Variants in PPFIA2 observed in about 807,000 individuals in gnomAD.
PPFIA2 encodes liprin-alpha-2.
Under a neutral mutation model 175.5 loss-of-function variants are expected in PPFIA2, and 46 were observed. The ratio of observed to expected loss-of-function variants is 0.26; its 90% CI spans 0.21 to 0.34. PPFIA2 has a LOEUF of 0.34. PPFIA2 is among the 10% of genes least tolerant of loss of function. The probability of loss-of-function intolerance (pLI) is 1.00; values close to 1 mark genes in which losing one functional copy is unlikely to be tolerated. For synonymous variants in PPFIA2, 568 were observed against 511.4 expected, an observed-to-expected ratio of 1.11 and a Z score of -1.49; for missense variants, 1,179 against 1,506.1, an observed-to-expected ratio of 0.78 and a Z score of 3.60.
intron 4 of PPFIA2, among the ~76,000 whole-genome samples, chr12:81,605,597 C>T (rs1209876458): frequency 6.6e-6 from 1 of 151,786 alleles, no homozygotes; most frequent in Admixed American, 6.6e-5. Flanking sequence ...CATATGAACG[C>T]TAGTTAAGTA....
chr12:81,597,836 C>T (rs2059409083), intron 4 of PPFIA2: 6 of 1,032,144 alleles, frequency 5.8e-6, no homozygotes, highest in Non-Finnish European at 8.4e-6. Context: ...TCATTCCATA[C>T]ATTTTCTTCA....
intron 4 of PPFIA2, among the ~76,000 whole-genome samples, chr12:81,648,434 T>C (rs536468194): frequency 6.6e-6 from 1 of 152,124 alleles, no homozygotes; most frequent in Admixed American, 6.5e-5. Flanking sequence ...AGTAAGTTGA[T>C]ACACTATCAA....
At chr12:81,331,777 G>A (rs2056179325) in intron 21 of PPFIA2, among the ~76,000 whole-genome samples, 1 of 151,740 alleles carries the variant, frequency 6.6e-6, no homozygotes. Context: ...GGCTCTATTT[G>A]ATCACTCCCT....
intron 4 of PPFIA2, among the ~76,000 whole-genome samples, chr12:81,533,730 T>G (rs538385774): frequency 1.3e-5 from 1 of 74,466 alleles, no homozygotes; most frequent in African/African-American, 7.2e-5. Flanking sequence ...TATCTATCTA[T>G]CTATCTATAT....
intron 7 of PPFIA2, chr12:81,430,739 C>T (rs1460996675): frequency 6.6e-6 from 1 of 152,100 alleles, no homozygotes; most frequent in Non-Finnish European, 1.5e-5. Flanking sequence ...TAACAGAATA[C>T]TAGTTGTTAA....
chr12:81,482,899 G>T (rs994946693), intron 4 of PPFIA2, among the ~76,000 whole-genome samples: 2 of 151,930 alleles, frequency 1.3e-5, no homozygotes, highest in African/African-American at 2.4e-5. Flanking sequence ...TATATACTGT[G>T]CTGGGATCAC....
chr12:81,706,010 A>T (rs543125383), intron 3 of PPFIA2, among the ~76,000 whole-genome samples: 1 of 152,240 alleles, frequency 6.6e-6, no homozygotes, highest in African/African-American at 2.4e-5. Flanking sequence ...TATTAAAAGT[A>T]TTTTTTTATT....
At chr12:81,521,164 A>G (rs926970461) in intron 4 of PPFIA2, among the ~76,000 whole-genome samples, 5 of 152,122 alleles carry the variant, frequency 3.3e-5, no homozygotes, top group African/African-American at 1.2e-4. Flanking sequence ...ATGGAATACA[A>G]TGCATTCTTG....
chr12:81,697,072 G>A (rs1255119340), intron 3 of PPFIA2, among the ~76,000 whole-genome samples: 1 of 152,058 alleles, frequency 6.6e-6, no homozygotes, highest in Non-Finnish European at 1.5e-5. Context: ...TGCCTAATGA[G>A]AGAAATGGCA....
At chr12:81,571,622 T>C (rs933415161) in intron 4 of PPFIA2, among the ~76,000 whole-genome samples, 1 of 152,120 alleles carries the variant, frequency 6.6e-6, no homozygotes, top group Non-Finnish European at 1.5e-5. Context: ...TATGCATGGG[T>C]AAACCACTTA....
At chr12:81,270,726 G>T (rs1304862056) in intron 28 of PPFIA2, 1 of 151,678 alleles carries the variant, frequency 6.6e-6, no homozygotes, top group East Asian at 1.9e-4. Context: ...CATTTCTGTT[G>T]TTTAAGACAC....
intron 4 of PPFIA2, among the ~76,000 whole-genome samples, chr12:81,520,312 G>C (rs1253963524): frequency 1.3e-5 from 2 of 152,186 alleles, no homozygotes; most frequent in Non-Finnish European, 2.9e-5. Context: ...GCAGAACGAA[G>C]CAGGTTGGCA....
At chr12:81,754,992 C>G (rs894609469) in intron 2 of PPFIA2, among the ~76,000 whole-genome samples, 1 of 152,150 alleles carries the variant, frequency 6.6e-6, no homozygotes, top group Non-Finnish European at 1.5e-5. Context: ...TTATACTCAT[C>G]ATTACACTTA....
chr12:81,516,326 T>C (rs1488972609), intron 4 of PPFIA2, among the ~76,000 whole-genome samples: 4 of 152,184 alleles, frequency 2.6e-5, no homozygotes, highest in Non-Finnish European at 5.9e-5. Flanking sequence ...ATTTATCAAC[T>C]CTTCTATCCA....
At chr12:81,719,188 T>C (rs1348262699) in intron 3 of PPFIA2, among the ~76,000 whole-genome samples, 3 of 151,672 alleles carry the variant, frequency 2.0e-5, no homozygotes, top group African/African-American at 7.2e-5. Flanking sequence ...ATGTTAGTAC[T>C]GGACTTCATA....
chr12:81,633,543 CA>C (rs76706175), intron 4 of PPFIA2, among the ~76,000 whole-genome samples: 9,703 of 145,562 alleles, frequency 0.067, 445 homozygotes, highest in East Asian at 0.25. Flanking sequence ...GGCAGGACAG[CA>C]AAAAAAAAAT....
Position 81,456,251 on chromosome 12 carries a change from G to A in PPFIA2, c.405+1514C>T, listed in dbSNP as rs76117998. On this transcript the variant is annotated intron_variant, in intron 5 of 32. Transcript: ENST00000549396. ...GTCAAGGGTAGGAAATATATAGAGA[G>A]GAAGACAGCAAAAGAAAAAAATTGT... is the stretch of plus-strand genomic sequence containing the variant. 1.6e-3 allele frequency among the ~76,000 whole-genome samples: 238 copies of A among 152,178 alleles called. 3 individuals carry two copies. In the East Asian group the frequency reaches 0.027, roughly 17 times the overall value.
chr12:81,278,314 G>A (rs550085046), intron 27 of PPFIA2, among the ~76,000 whole-genome samples: 9 of 152,202 alleles, frequency 5.9e-5, no homozygotes, highest in Non-Finnish European at 1.2e-4. Context: ...AGGCTGAGGT[G>A]GGTGGATCAC....
chr12:81,720,816 AT>A (rs963409020), intron 3 of PPFIA2, among the ~76,000 whole-genome samples: 9 of 151,050 alleles, frequency 6.0e-5, no homozygotes, highest in Admixed American at 2.7e-4. Context: ...CACTTAATAA[AT>A]TTTTTTTGTT....
Sources: allele counts gnomAD v4.1 joint callset (sites outside exome capture counted in the v4.1 genomes callset), GRCh38; gene constraint gnomAD v4.1.1; transcripts MANE v1.5; gene names NCBI Gene and HGNC (gene_info 2026-07-23, HGNC 2026-07-21).